The following CACNG2 variants were observed in gnomAD, a reference collection of about 807,000 sequenced individuals.
CACNG2 encodes voltage-dependent calcium channel gamma-2 subunit.
A neutral mutation model predicts 25.9 loss-of-function variants in CACNG2; 3 were observed. That is an observed-to-expected ratio of 0.12 (90% confidence interval 0.05 to 0.30). CACNG2 has a LOEUF of 0.30. Among genes scored for constraint, CACNG2 ranks in the 10% least tolerant of loss-of-function variants. CACNG2 has a pLI of 1.00. For synonymous variants in CACNG2, 167 were observed against 173.3 expected (o/e 0.96, Z 0.29); for missense variants, 341 against 432.5 (o/e 0.79, Z 1.88).
At chr22:36,674,464 G>T (rs1936996383) in intron 1 of CACNG2, among the ~76,000 whole-genome samples, 1 of 152,144 alleles carries the variant, frequency 6.6e-6, no homozygotes, top group South Asian at 2.1e-4. Context: ...GGGTAGCTGG[G>T]ATTACAGACG....
At chr22:36,698,392 C>A (rs1277945839) in intron 1 of CACNG2, among the ~76,000 whole-genome samples, 1 of 152,170 alleles carries the variant, frequency 6.6e-6, no homozygotes, top group African/African-American at 2.4e-5. Flanking sequence ...CTGTTAGTAC[C>A]TTCCAGATTC....
At chr22:36,597,322 C>A (rs147134363) in intron 1 of CACNG2, among the ~76,000 whole-genome samples, 231 of 152,342 alleles carry the variant, frequency 1.5e-3, no homozygotes, top group Non-Finnish European at 2.4e-3. Flanking sequence ...CTGTGCCAGG[C>A]CCCTTTAGTT....
At position 36,702,862 on chromosome 22, in the gene CACNG2, A is replaced by T. The variant is rs1249269747; in HGVS notation, c.-286T>A. Reference sequence around the variant, plus strand: ...TTTTTTTTTAAAAAGAAAAGGAAAAAAAAAATAAAAAGACACCCCCCACCC... The same window carrying T: ...TTTTTTTTTAAAAAGAAAAGGAAAATAAAAATAAAAAGACACCCCCCACCC... On this transcript the variant is annotated 5_prime_UTR_variant, in exon 1 of 4. Transcript: ENST00000300105. 8 of 299,944 alleles carry T rather than the reference A, an allele frequency of 2.7e-5. No homozygotes were observed. The allele number at this position is 299,944 out of a possible 1,614,324, so 18.6% of individuals were successfully genotyped here.
chr22:36,577,809 G>T (rs1603500607), intron 2 of CACNG2, among the ~76,000 whole-genome samples: 1 of 152,130 alleles, frequency 6.6e-6, no homozygotes, highest in Admixed American at 6.5e-5. Context: ...TAACCATGGG[G>T]TGGGGTCACA....
chr22:36,667,324 C>A (rs1936888858), intron 1 of CACNG2, among the ~76,000 whole-genome samples: 1 of 152,202 alleles, frequency 6.6e-6, no homozygotes, highest in African/African-American at 2.4e-5. Flanking sequence ...CTGGAACTCA[C>A]CACTTCTTCT....
At chr22:36,631,826 G>A (rs990882335) in intron 1 of CACNG2, among the ~76,000 whole-genome samples, 11 of 151,740 alleles carry the variant, frequency 7.2e-5, no homozygotes, top group African/African-American at 2.4e-4. Context: ...GAGGGCCAGC[G>A]GGACAACCAG....
At chr22:36,616,459 C>T (rs1023232591) in intron 1 of CACNG2, among the ~76,000 whole-genome samples, 9 of 152,248 alleles carry the variant, frequency 5.9e-5, no homozygotes, top group South Asian at 2.1e-4. Flanking sequence ...TACGATTCAC[C>T]GGATTTTCCT....
In CACNG2 at chr22:36,676,416, A is replaced by G. The variant is rs566673936; in HGVS notation, c.211+25950T>C. Among the ~76,000 whole-genome samples the G allele has an allele frequency of 4.6e-5, 7 of 152,318 alleles. No individual in the cohort carries two copies. In the East Asian group the frequency reaches 1.2e-3, roughly 25 times the overall value. On this transcript the variant is annotated intron_variant, in intron 1 of 3. Transcript: ENST00000300105. ...ACCATCGATGGCGTACCCAGGATGC[A>G]GCTGGCACATAGCCCGGTACAGGAT...
chr22:36,649,427 G>A (rs1013054059), intron 1 of CACNG2, among the ~76,000 whole-genome samples: 2 of 151,712 alleles, frequency 1.3e-5, no homozygotes. Context: ...GAGTAGCTGG[G>A]ATTACAGGCA....
chr22:36,627,279 C>CGTGTGTGT lies in CACNG2; in HGVS notation c.212-39739_212-39732dup, dbSNP rs58015913. 3.3e-3 allele frequency among the ~76,000 whole-genome samples: 435 copies of CGTGTGTGT among 131,216 alleles called. 1 individual carries two copies. The highest frequency in any genetic ancestry group is 0.012 in the Middle Eastern group (3 of 254). 86.1% of individuals were successfully genotyped at this position (131,216 alleles called of 152,430 possible). A position where few individuals can be genotyped will look rare whatever the true frequency, so the allele number is the denominator to read the frequency against. ...AGTGGGAAGTGGATGAGAGTGGGGA[C>CGTGTGTGT]GTGTGTGTGTGTGTGTGTGTGTGTG... On this transcript the variant is annotated intron_variant, in intron 1 of 3. Coordinates refer to ENST00000300105, the MANE Select transcript of CACNG2 (RefSeq NM_006078.5).
chr22:36,573,016 G>A (rs1283328782), intron 2 of CACNG2, among the ~76,000 whole-genome samples: 1 of 152,136 alleles, frequency 6.6e-6, no homozygotes, highest in Non-Finnish European at 1.5e-5. Context: ...TAATCACACA[G>A]CCTGGATAAC....
At chr22:36,697,840 G>A (rs761794148) in intron 1 of CACNG2, among the ~76,000 whole-genome samples, 1 of 152,208 alleles carries the variant, frequency 6.6e-6, no homozygotes, top group Non-Finnish European at 1.5e-5. Context: ...TGTCTGTTCT[G>A]GGGAATATTA....
chr22:36,695,481 G>GCCCCCCCCCCC (rs1937326796), intron 1 of CACNG2, among the ~76,000 whole-genome samples: 1 of 83,256 alleles, frequency 1.2e-5, no homozygotes, highest in African/African-American at 5.0e-5. Flanking sequence ...TCACCACCCT[G>GCCCCCCCCCCC]CCACTCCCCC....
At chr22:36,582,246 C>T (rs886149576) in intron 2 of CACNG2, among the ~76,000 whole-genome samples, 16 of 152,116 alleles carry the variant, frequency 1.1e-4, no homozygotes, top group East Asian at 3.9e-4. Context: ...CCCAAATTCT[C>T]GCTGCAACCC....
At chr22:36,585,937 G>T (rs1935495580) in intron 2 of CACNG2, among the ~76,000 whole-genome samples, 1 of 152,190 alleles carries the variant, frequency 6.6e-6, no homozygotes. Context: ...CTGTTATAAG[G>T]GCAGCAATGA....
At chr22:36,581,447 G>C (rs1935417507) in intron 2 of CACNG2, among the ~76,000 whole-genome samples, 1 of 152,172 alleles carries the variant, frequency 6.6e-6, no homozygotes, top group Non-Finnish European at 1.5e-5. Context: ...TCTTAAGCTT[G>C]GCCTGCTGGC....
intron 1 of CACNG2, among the ~76,000 whole-genome samples, chr22:36,622,069 C>T (rs764491899): frequency 7.2e-5 from 11 of 152,314 alleles, no homozygotes; most frequent in African/African-American, 2.6e-4. Flanking sequence ...AAAGAAGGCA[C>T]GGCTCTCATT....
At chr22:36,653,980 C>CTG (rs1224769018) in intron 1 of CACNG2, among the ~76,000 whole-genome samples, 18 of 79,030 alleles carry the variant, frequency 2.3e-4, no homozygotes, top group East Asian at 1.8e-3. Context: ...GTGTGTGTGT[C>CTG]TCTGTGTGTG....
intron 1 of CACNG2, among the ~76,000 whole-genome samples, chr22:36,701,251 T>A (rs1937408249): frequency 6.6e-6 from 1 of 152,198 alleles, no homozygotes. Flanking sequence ...TGCACGTCTA[T>A]CTATGGGTGG....
Sources: gnomAD v4.1 joint callset for allele counts (sites outside exome capture counted in the v4.1 genomes callset) on GRCh38, gnomAD v4.1.1 for gene constraint, MANE v1.5 for transcripts, NCBI Gene and HGNC (gene_info 2026-07-23, HGNC 2026-07-21) for gene names.